The following SYNDIG1 variants were observed in gnomAD, a reference collection of about 807,000 sequenced individuals.
SYNDIG1 encodes synapse differentiation inducing 1, also known as synapse differentiation-inducing gene protein 1.
Under a neutral mutation model 19.4 loss-of-function variants are expected in SYNDIG1, and 9 were observed. The observed-to-expected ratio is 0.46, with a 90% CI of 0.28 to 0.81. The LOEUF is 0.81. SYNDIG1 is among the 30% of genes least tolerant of loss of function. SYNDIG1 has a pLI of 0.12. For missense variants in SYNDIG1, 311 were observed against 343.3 expected, an observed-to-expected ratio of 0.91 and a Z score of 0.74; for synonymous variants, 141 against 145.9, an observed-to-expected ratio of 0.97 and a Z score of 0.24.
At chr20:24,652,598 A>G (rs1030413977) in intron 3 of SYNDIG1, among the ~76,000 whole-genome samples, 2 of 152,248 alleles carry the variant, frequency 1.3e-5, no homozygotes, top group African/African-American at 4.8e-5. Context: ...AAATGGAAAC[A>G]TGACAAAGCA....
chr20:24,602,199 G>A (rs2058689456), intron 3 of SYNDIG1, among the ~76,000 whole-genome samples: 1 of 151,950 alleles, frequency 6.6e-6, no homozygotes, highest in Non-Finnish European at 1.5e-5. Flanking sequence ...GTTTTTCCTT[G>A]TTCTCACTCA....
At position 24,558,090 on chromosome 20, in the gene SYNDIG1, G is replaced by A. The variant is rs184939516; in HGVS notation, c.480+14513G>A. ...ACTCTGGAGGGACAAGGAAGCAATC[G>A]TGATGAATGAGGGGCTTGGTGTCTC... On this transcript the variant is annotated intron_variant, in intron 2 of 3. Transcript: ENST00000376862. 1.4e-3 allele frequency among the ~76,000 whole-genome samples: 214 copies of A among 152,332 alleles called. 1 individual carries two copies. The highest frequency in any genetic ancestry group is 5.0e-3 in the African/African-American group (207 of 41,588).
intron 1 of SYNDIG1, among the ~76,000 whole-genome samples, chr20:24,492,221 T>C (rs2056174498): frequency 6.6e-6 from 1 of 152,182 alleles, no homozygotes; most frequent in Admixed American, 6.5e-5. Flanking sequence ...GCTGTTCTGG[T>C]GGGCTTTTGG....
At chr20:24,584,112 T>G (rs968895933) in intron 2 of SYNDIG1, among the ~76,000 whole-genome samples, 1 of 152,080 alleles carries the variant, frequency 6.6e-6, no homozygotes, top group Non-Finnish European at 1.5e-5. Context: ...ACACCCCTTC[T>G]CCATCAGAAC....
chr20:24,525,225 C>A (rs956009370), intron 1 of SYNDIG1, among the ~76,000 whole-genome samples: 1 of 150,406 alleles, frequency 6.6e-6, no homozygotes, highest in Non-Finnish European at 1.5e-5. Context: ...ATATGATTTG[C>A]ATTGTGGCTA....
intron 1 of SYNDIG1, among the ~76,000 whole-genome samples, chr20:24,512,705 G>A (rs796098648): frequency 1.4e-4 from 22 of 152,316 alleles, no homozygotes; most frequent in African/African-American, 5.3e-4. Flanking sequence ...CGGGGGCAGG[G>A]CATAGTCGAA....
At chr20:24,618,124 G>A (rs2058974674) in intron 3 of SYNDIG1, among the ~76,000 whole-genome samples, 1 of 146,046 alleles carries the variant, frequency 6.8e-6, no homozygotes, top group South Asian at 2.3e-4. Context: ...CCCGGGGAGG[G>A]GGGTCCTGAG....
intron 1 of SYNDIG1, among the ~76,000 whole-genome samples, chr20:24,485,509 G>A (rs924266181): frequency 2.0e-5 from 3 of 152,224 alleles, no homozygotes; most frequent in Non-Finnish European, 4.4e-5. Flanking sequence ...TCAGGTCCTT[G>A]TAGATCTAGT....
At chr20:24,550,421 C>T (rs973143676) in intron 2 of SYNDIG1, among the ~76,000 whole-genome samples, 8 of 151,906 alleles carry the variant, frequency 5.3e-5, no homozygotes, top group Non-Finnish European at 7.4e-5. Flanking sequence ...GTGTTCAATT[C>T]GTCAGGTACT....
intron 1 of SYNDIG1, among the ~76,000 whole-genome samples, chr20:24,510,298 G>GT (rs1420185720): frequency 6.6e-6 from 1 of 152,088 alleles, no homozygotes; most frequent in East Asian, 1.9e-4. Context: ...GCTGGGCGCA[G>GT]TGACTCACGC....
Position 24,543,534 on chromosome 20 carries a change from T to C in SYNDIG1, c.437T>C (p.Leu146Pro), listed in dbSNP as rs764044041. The C allele has an allele frequency of 6.2e-7, 1 of 1,605,384 alleles. No individual in the cohort carries two copies. Among genetic ancestry groups the C allele is most frequent in the Non-Finnish European group, 8.5e-7 (1 of 1,179,834 alleles). Reference sequence around the variant, plus strand: ...GCTGATGACATAAAAATCCACACCCTGTCCTACGATGTGGAGGAGGAGGAG... The same window carrying C: ...GCTGATGACATAAAAATCCACACCCCGTCCTACGATGTGGAGGAGGAGGAG... ...LSADDIKIHT[L>P]SYDVEEEEEF... is the part of the protein sequence containing the mutation. The change falls in exon 2 of 4, where the codon CTG (leucine) becomes CCG (proline). Residue 146 changes from leucine (L) to proline (P), a missense_variant. Coordinates refer to ENST00000376862, the MANE Select transcript of SYNDIG1 (RefSeq NM_024893.3).
intron 3 of SYNDIG1, among the ~76,000 whole-genome samples, chr20:24,661,035 T>C (rs1275243828): frequency 2.0e-5 from 3 of 152,228 alleles, no homozygotes; most frequent in African/African-American, 7.2e-5. Context: ...AGCAAATGCC[T>C]TCCTTCTGTG....
At chr20:24,492,146 G>C (rs992437137) in intron 1 of SYNDIG1, among the ~76,000 whole-genome samples, 1 of 148,940 alleles carries the variant, frequency 6.7e-6, no homozygotes, top group Non-Finnish European at 1.5e-5. Flanking sequence ...GAAACTCCAG[G>C]CACCGCAGGG....
intron 1 of SYNDIG1, among the ~76,000 whole-genome samples, chr20:24,515,777 A>G (rs1398357784): frequency 6.6e-6 from 1 of 152,262 alleles, no homozygotes; most frequent in Non-Finnish European, 1.5e-5. Flanking sequence ...GGTAATTTAT[A>G]GATTCAATGC....
At position 24,525,787 on chromosome 20, in the gene SYNDIG1, G is replaced by C. The variant is rs546373631; in HGVS notation, c.-78-17233G>C. 1.1e-3 allele frequency among the ~76,000 whole-genome samples: 171 copies of C among 152,124 alleles called. 1 individual carries two copies. The highest frequency in any genetic ancestry group is 4.0e-3 in the African/African-American group (165 of 41,508). The stretch of plus-strand genomic sequence containing the variant: ...ATATTCTATGTTTTTCTTAATTTTG[G>C]CCTGTTTATTTCTCAGCATAATTGA... On this transcript the variant is annotated intron_variant, in intron 1 of 3. Transcript: ENST00000376862.
chr20:24,555,372 T>C (rs1289117276), intron 2 of SYNDIG1, among the ~76,000 whole-genome samples: 1 of 152,152 alleles, frequency 6.6e-6, no homozygotes, highest in East Asian at 1.9e-4. Context: ...GCTCTTGCTT[T>C]TCTAGTTCTT....
At chr20:24,624,529 CA>C (rs1020466936) in intron 3 of SYNDIG1, among the ~76,000 whole-genome samples, 1 of 152,022 alleles carries the variant, frequency 6.6e-6, no homozygotes, top group Non-Finnish European at 1.5e-5. Flanking sequence ...CTCCTAACCA[CA>C]AAGAGTCAAA....
intron 1 of SYNDIG1, among the ~76,000 whole-genome samples, chr20:24,505,265 G>A (rs1248235363): frequency 6.6e-6 from 1 of 152,306 alleles, no homozygotes; most frequent in South Asian, 2.1e-4. Flanking sequence ...AACCAGCCAA[G>A]GGTGCGCAGC....
Position 24,546,126 on chromosome 20 carries a change from G to A in SYNDIG1, c.480+2549G>A, listed in dbSNP as rs927675798. Among the ~76,000 whole-genome samples the A allele has an allele frequency of 7.2e-5, 11 of 152,234 alleles. No homozygotes were observed. In the East Asian group the frequency reaches 9.7e-4, roughly 13 times the overall value. On this transcript the variant is annotated intron_variant, in intron 2 of 3. Transcript: ENST00000376862. ...GAGCCTCACCACGGTGGTTAACTTC[G>A]TCCTTTTTCTCTGAAAACAAAGATT...
Sources: allele counts gnomAD v4.1 joint callset (sites outside exome capture counted in the v4.1 genomes callset), GRCh38; gene constraint gnomAD v4.1.1; transcripts MANE v1.5; gene names NCBI Gene and HGNC (gene_info 2026-07-23, HGNC 2026-07-21).